Variants in TBCA observed in about 807,000 individuals in gnomAD.
The protein encoded by TBCA is tubulin folding cofactor A, also known as tubulin-specific chaperone A.
In TBCA, 6 loss-of-function variants were observed where a neutral mutation model predicts 15.8. That is an observed-to-expected ratio of 0.38 (90% confidence interval 0.21 to 0.75). The LOEUF (loss-of-function observed/expected upper bound fraction) is 0.75. Ranked by LOEUF, TBCA falls within the 30% of genes least tolerant of loss-of-function variation. The pLI, the probability that TBCA is intolerant of heterozygous loss-of-function variation, is 0.46. For missense variants in TBCA, 90 were observed against 131.2 expected, an observed-to-expected ratio of 0.69 and a Z score of 1.53; for synonymous variants, 32 against 42.3, an observed-to-expected ratio of 0.76 and a Z score of 0.94.
Position 77,764,803 on chromosome 5 carries a change from C to T in TBCA, c.53+11402G>A, listed in dbSNP as rs1229170174. 3.9e-5 allele frequency among the ~76,000 whole-genome samples: 6 copies of T among 152,040 alleles called. No homozygotes were observed. In the East Asian group the frequency reaches 7.7e-4, roughly 20 times the overall value. ...ACAACTCAAAACTGTCTCCTTTTTC[C>T]ACACAACCCAAAAGTCATTGCTAGC... is the stretch of plus-strand genomic sequence containing the variant. On this transcript the variant is annotated intron_variant, in intron 1 of 3. Coordinates refer to ENST00000380377, the MANE Select transcript of TBCA (RefSeq NM_004607.3).
intron 2 of TBCA, among the ~76,000 whole-genome samples, chr5:77,701,957 T>C (rs1175236695): frequency 6.6e-6 from 1 of 151,852 alleles, no homozygotes; most frequent in Non-Finnish European, 1.5e-5. Context: ...AAACATCATA[T>C]GTTCTCACTT....
intron 1 of TBCA, among the ~76,000 whole-genome samples, chr5:77,712,853 AT>A (rs1746314042): frequency 6.6e-6 from 1 of 152,220 alleles, no homozygotes; most frequent in African/African-American, 2.4e-5. Context: ...CTTTTATAAA[AT>A]TTGAAAGATT....
rs200865412 is a variant in TBCA at position 77,753,022 on chromosome 5, TA to T, written c.53+23182del. ...TTTTTCTTTATTTTAAAGCAACTCTTAAAAAAAAATTACATTTTCTTTAGCA... is the reference window on the plus strand; with the variant it reads ...TTTTTCTTTATTTTAAAGCAACTCTTAAAAAAAATTACATTTTCTTTAGCA... On this transcript the variant is annotated intron_variant, in intron 1 of 3. Transcript: ENST00000380377. Among the ~76,000 whole-genome samples, 1,417 of 151,758 alleles carry T rather than the reference TA, an allele frequency of 9.3e-3. 10 individuals are homozygous for T. The highest frequency in any genetic ancestry group is 0.031 in the African/African-American group (1,302 of 41,364).
chr5:77,691,798 CT>C, intron 3 of TBCA: 2 of 1,040,712 alleles, frequency 1.9e-6, no homozygotes, highest in Non-Finnish European at 2.3e-6. Flanking sequence ...AAAGTTTATT[CT>C]CATTTTGTTG....
At chr5:77,750,116 C>A (rs1381241068) in intron 1 of TBCA, among the ~76,000 whole-genome samples, 1 of 148,360 alleles carries the variant, frequency 6.7e-6, no homozygotes, top group Non-Finnish European at 1.5e-5. Context: ...CCTCTTTGTA[C>A]CTTTGCAAAT....
intron 1 of TBCA, among the ~76,000 whole-genome samples, chr5:77,745,045 G>A (rs1264333158): frequency 1.3e-5 from 2 of 152,148 alleles, no homozygotes; most frequent in African/African-American, 2.4e-5. Flanking sequence ...TACATATTGT[G>A]AAAGTTAAAT....
At chr5:77,764,457 A>AATACTACTGGGGT (rs1327965102) in intron 1 of TBCA, among the ~76,000 whole-genome samples, 1 of 152,200 alleles carries the variant, frequency 6.6e-6, no homozygotes, top group Non-Finnish European at 1.5e-5. Context: ...AAAGAAAGAA[A>AATACTACTGGGGT]ATACTACTGG....
chr5:77,727,009 T>C (rs1746642430), intron 1 of TBCA, among the ~76,000 whole-genome samples: 1 of 152,074 alleles, frequency 6.6e-6, no homozygotes, highest in South Asian at 2.1e-4. Context: ...CTGCTGTCAT[T>C]TGAACTTTGA....
intron 1 of TBCA, among the ~76,000 whole-genome samples, chr5:77,754,575 C>T (rs1420509034): frequency 6.6e-6 from 1 of 152,102 alleles, no homozygotes; most frequent in Non-Finnish European, 1.5e-5. Flanking sequence ...AAGTTATTTC[C>T]CTGTCAACCA....
Position 77,750,164 on chromosome 5 carries a change from A to AAT in TBCA, c.53+26039_53+26040dup, listed in dbSNP as rs897296604. Among the ~76,000 whole-genome samples the AAT allele has an allele frequency of 2.8e-3, 416 of 150,238 alleles. 3 individuals carry two copies. The highest frequency in any genetic ancestry group is 2.6e-3 in the Non-Finnish European group (179 of 67,614). Reference sequence around the variant, plus strand: ...TCTATATATATAGAGAGAGAGCACAAATATATATATATAGCACAAATACAT... The same window carrying AAT: ...TCTATATATATAGAGAGAGAGCACAAATATATATATATATAGCACAAATACAT... On this transcript the variant is annotated intron_variant, in intron 1 of 3. Coordinates refer to ENST00000380377, the MANE Select transcript of TBCA (RefSeq NM_004607.3).
chr5:77,709,848 C>G (rs903498630), intron 1 of TBCA, among the ~76,000 whole-genome samples: 2 of 152,102 alleles, frequency 1.3e-5, no homozygotes, highest in Non-Finnish European at 2.9e-5. Context: ...AGTGCTGATT[C>G]AAGCCACAAC....
chr5:77,712,848 AT>A (rs1381109120), intron 1 of TBCA, among the ~76,000 whole-genome samples: 1 of 152,228 alleles, frequency 6.6e-6, no homozygotes, highest in African/African-American at 2.4e-5. Flanking sequence ...CATTACTTTT[AT>A]AAAATTTGAA....
chr5:77,736,153 T>C (rs1165701948), intron 1 of TBCA, among the ~76,000 whole-genome samples: 7 of 151,992 alleles, frequency 4.6e-5, no homozygotes, highest in African/African-American at 1.7e-4. Flanking sequence ...GCTAACACAG[T>C]GAAACCCCGT....
At chr5:77,700,340 C>T (rs1745984154) in intron 2 of TBCA, among the ~76,000 whole-genome samples, 1 of 152,004 alleles carries the variant, frequency 6.6e-6, no homozygotes, top group Admixed American at 6.5e-5. Flanking sequence ...ATACAATGAA[C>T]TCTCAAAACT....
chr5:77,746,214 C>T (rs964703777), intron 1 of TBCA, among the ~76,000 whole-genome samples: 14 of 152,108 alleles, frequency 9.2e-5, no homozygotes, highest in East Asian at 3.9e-4. Flanking sequence ...GCATCACTTA[C>T]GCTCAGGAGT....
At chr5:77,729,533 A>T (rs1746713647) in intron 1 of TBCA, among the ~76,000 whole-genome samples, 1 of 152,232 alleles carries the variant, frequency 6.6e-6, no homozygotes, top group African/African-American at 2.4e-5. Context: ...CATTTCAAGA[A>T]GGTGTCTCAG....
intron 2 of TBCA, among the ~76,000 whole-genome samples, chr5:77,703,692 T>C (rs1295666001): frequency 5.3e-5 from 8 of 152,102 alleles, no homozygotes; most frequent in Non-Finnish European, 1.2e-4. Flanking sequence ...TCCTCTTACC[T>C]CAGCCTCCCA....
intron 1 of TBCA, among the ~76,000 whole-genome samples, chr5:77,762,472 C>A (rs1439031566): frequency 6.6e-6 from 1 of 151,964 alleles, no homozygotes; most frequent in Non-Finnish European, 1.5e-5. Context: ...GTATAATCTG[C>A]CAGGTTTTTA....
chr5:77,693,594 G>A, intron 2 of TBCA: 1 of 462,190 alleles, frequency 2.2e-6, no homozygotes. Flanking sequence ...AGGTCAGGAG[G>A]TTCAAGACCA....
Sources: allele counts gnomAD v4.1 joint callset (sites outside exome capture counted in the v4.1 genomes callset), GRCh38; gene constraint gnomAD v4.1.1; transcripts MANE v1.5; gene names NCBI Gene and HGNC (gene_info 2026-07-23, HGNC 2026-07-21).